RPS6KC1: variants seen among roughly 807,000 people sequenced by gnomAD.
RPS6KC1 encodes inactive ribosomal protein S6 kinase delta-1.
In RPS6KC1, 54 loss-of-function variants were observed where a neutral mutation model predicts 103.8. That is an observed-to-expected ratio of 0.52 (90% CI 0.42 to 0.65). The LOEUF (loss-of-function observed/expected upper bound fraction) is 0.65. RPS6KC1 is among the 30% of genes least tolerant of loss of function. The probability of loss-of-function intolerance (pLI) is 0.00; values close to 1 mark genes in which losing one functional copy is unlikely to be tolerated. For missense variants in RPS6KC1, 1,151 were observed against 1,253.8 expected (o/e 0.92, Z 1.24); for synonymous variants, 439 against 438.7 (o/e 1.00, Z -0.01).
the RPS6KC1 span, among the ~76,000 whole-genome samples, chr1:213,393,587 G>T: frequency 6.6e-6 from 1 of 152,130 alleles, no homozygotes; most frequent in African/African-American, 2.4e-5. Context: ...TTGGATAATC[G>T]CCATTTTCCA....
the RPS6KC1 span, among the ~76,000 whole-genome samples, chr1:213,624,645 A>G: frequency 1.3e-5 from 2 of 152,310 alleles, no homozygotes; most frequent in East Asian, 3.9e-4. Context: ...AGCCTACAGC[A>G]CTGCCCATAG....
chr1:213,173,293 TTAAAG>T (rs1381155093), intron 7 of RPS6KC1, among the ~76,000 whole-genome samples: 2 of 152,228 alleles, frequency 1.3e-5, no homozygotes, highest in African/African-American at 2.4e-5. Context: ...TTATAGATGG[TTAAAG>T]TAAAAAGAGA....
At chr1:213,807,736 A>G in the RPS6KC1 span, among the ~76,000 whole-genome samples, 1 of 152,202 alleles carries the variant, frequency 6.6e-6, no homozygotes, top group South Asian at 2.1e-4. Context: ...TTCCTCCTGT[A>G]GCTCGTAGTT....
the RPS6KC1 span, among the ~76,000 whole-genome samples, chr1:213,411,576 C>T: frequency 6.6e-6 from 1 of 152,144 alleles, no homozygotes; most frequent in African/African-American, 2.4e-5. Flanking sequence ...ATGGGTACCC[C>T]TGGGCATCCA....
intron 8 of RPS6KC1, among the ~76,000 whole-genome samples, chr1:213,218,421 ATAT>A: frequency 6.6e-6 from 1 of 152,216 alleles, no homozygotes; most frequent in African/African-American, 2.4e-5. Context: ...GGAAGAATCA[ATAT>A]TGTGAAAATG....
At chr1:213,265,958 GCTT>G (rs2094902556) in intron 14 of RPS6KC1, among the ~76,000 whole-genome samples, 1 of 152,164 alleles carries the variant, frequency 6.6e-6, no homozygotes, top group African/African-American at 2.4e-5. Flanking sequence ...ATTTCCCTGA[GCTT>G]CTGTTTTCTC....
At chr1:213,153,230 A>G (rs146098984) in intron 6 of RPS6KC1, among the ~76,000 whole-genome samples, 3,061 of 149,806 alleles carry the variant, frequency 0.02, 104 homozygotes, top group African/African-American at 0.07. Flanking sequence ...AAAGAGAGGG[A>G]GAGGGAGACC....
At chr1:213,483,052 T>G in the RPS6KC1 span, among the ~76,000 whole-genome samples, 1 of 152,210 alleles carries the variant, frequency 6.6e-6, no homozygotes, top group Admixed American at 6.5e-5. Context: ...GAGTCTTTAT[T>G]ATATACATTT....
At chr1:213,259,734 A>ATTTT (rs71147063) in intron 12 of RPS6KC1, among the ~76,000 whole-genome samples, 28 of 97,922 alleles carry the variant, frequency 2.9e-4, no homozygotes, top group African/African-American at 4.2e-4. Flanking sequence ...TGTTTTTTTA[A>ATTTT]TTTTTTTTTT....
At chr1:213,136,083 T>C (rs1163587719) in intron 6 of RPS6KC1, among the ~76,000 whole-genome samples, 1 of 152,172 alleles carries the variant, frequency 6.6e-6, no homozygotes, top group African/African-American at 2.4e-5. Context: ...GTTCAAGAAA[T>C]GCCAACAGGT....
At chr1:213,476,253 A>G in the RPS6KC1 span, among the ~76,000 whole-genome samples, 2 of 152,258 alleles carry the variant, frequency 1.3e-5, no homozygotes, top group African/African-American at 2.4e-5. Context: ...GCTTGGTCAC[A>G]TGACGTGCTG....
At chr1:213,450,078 C>G in the RPS6KC1 span, among the ~76,000 whole-genome samples, 1 of 152,134 alleles carries the variant, frequency 6.6e-6, no homozygotes, top group East Asian at 1.9e-4. Flanking sequence ...TTCCACTTTG[C>G]AAAATGGAGA....
chr1:213,801,064 C>T, the RPS6KC1 span, among the ~76,000 whole-genome samples: 1 of 152,210 alleles, frequency 6.6e-6, no homozygotes, highest in Non-Finnish European at 1.5e-5. Context: ...TCCTGAGGAG[C>T]TAAGGTGAAG....
At chr1:213,788,542 C>T in the RPS6KC1 span, among the ~76,000 whole-genome samples, 8 of 152,208 alleles carry the variant, frequency 5.3e-5, no homozygotes, top group African/African-American at 1.9e-4. Flanking sequence ...CCCTGACTCC[C>T]TCCCCATACC....
At chr1:213,113,389 C>T (rs573418721) in intron 4 of RPS6KC1, among the ~76,000 whole-genome samples, 93 of 152,132 alleles carry the variant, frequency 6.1e-4, no homozygotes, top group African/African-American at 1.9e-3. Flanking sequence ...TCTTGTCCTT[C>T]GCCCACTTTT....
the RPS6KC1 span, among the ~76,000 whole-genome samples, chr1:213,705,923 G>A: frequency 1.3e-5 from 2 of 152,194 alleles, no homozygotes; most frequent in African/African-American, 2.4e-5. Context: ...AACTCTTACT[G>A]TACCTATGTT....
the RPS6KC1 span, among the ~76,000 whole-genome samples, chr1:213,692,038 A>G: frequency 1.3e-5 from 2 of 152,236 alleles, no homozygotes; most frequent in African/African-American, 4.8e-5. Flanking sequence ...AGAAGAAAGA[A>G]TTTGACTGAA....
chr1:213,854,564 C>CTTCTTTCTT, the RPS6KC1 span, among the ~76,000 whole-genome samples: 2 of 105,676 alleles, frequency 1.9e-5, no homozygotes, highest in African/African-American at 3.9e-5. Context: ...TTCTTTCTTT[C>CTTCTTTCTT]TCTCTCTCTC....
intron 8 of RPS6KC1, among the ~76,000 whole-genome samples, chr1:213,191,853 G>A (rs895959040): frequency 6.6e-6 from 1 of 151,604 alleles, no homozygotes; most frequent in Admixed American, 6.6e-5. Context: ...TCTGTCGCTC[G>A]GCTGGAGTGC....
Sources: allele counts gnomAD v4.1 joint callset (sites outside exome capture counted in the v4.1 genomes callset), GRCh38; gene constraint gnomAD v4.1.1; transcripts MANE v1.5; gene names NCBI Gene and HGNC (gene_info 2026-07-23, HGNC 2026-07-21).